WNT7A: variants seen among roughly 807,000 people sequenced by gnomAD.
WNT7A encodes the protein protein Wnt-7a.
WNT7A carries 16 observed loss-of-function variants against 28.2 expected under a neutral mutation model. That is an observed-to-expected ratio of 0.57 (90% CI 0.38 to 0.86). The LOEUF (loss-of-function observed/expected upper bound fraction) is 0.86, where lower values mean the gene tolerates loss of function less well. WNT7A is among the 40% of genes least tolerant of loss of function. WNT7A has a pLI of 0.00. For synonymous variants in WNT7A, 190 were observed against 195.9 expected, an observed-to-expected ratio of 0.97 and a Z score of 0.25; for missense variants, 411 against 489.7, an observed-to-expected ratio of 0.84 and a Z score of 1.52.
chr3:13,821,678 CA>C (rs1694111792), intron 3 of WNT7A, among the ~76,000 whole-genome samples: 1 of 152,166 alleles, frequency 6.6e-6, no homozygotes, highest in Non-Finnish European at 1.5e-5. Context: ...ATGATTTCCA[CA>C]GAGTGATTTC....
chr3:13,865,220 C>T (rs1394930292), intron 2 of WNT7A, among the ~76,000 whole-genome samples: 2 of 152,196 alleles, frequency 1.3e-5, no homozygotes, highest in Non-Finnish European at 2.9e-5. Context: ...ATTTCAGCAC[C>T]TTTAATATGC....
chr3:13,873,329 T>A (rs9868948), intron 2 of WNT7A, among the ~76,000 whole-genome samples: 5 of 151,542 alleles, frequency 3.3e-5, no homozygotes, highest in East Asian at 2.0e-4. Flanking sequence ...AAATGTCACC[T>A]GGTGACATTT....
chr3:13,843,184 G>C (rs748920216), intron 3 of WNT7A, among the ~76,000 whole-genome samples: 1 of 152,168 alleles, frequency 6.6e-6, no homozygotes, highest in South Asian at 2.1e-4. Flanking sequence ...AGCTAGAACA[G>C]TCCTTAGGAA....
At chr3:13,866,067 C>T (rs1041345491) in intron 2 of WNT7A, among the ~76,000 whole-genome samples, 4 of 152,136 alleles carry the variant, frequency 2.6e-5, no homozygotes, top group African/African-American at 9.7e-5. Context: ...TGACAGGTTG[C>T]CCACTATCAC....
At chr3:13,853,665 A>G (rs1694677812) in intron 3 of WNT7A, among the ~76,000 whole-genome samples, 1 of 152,216 alleles carries the variant, frequency 6.6e-6, no homozygotes, top group Admixed American at 6.5e-5. Context: ...TCATGGCAGT[A>G]TGACAGAGCA....
intron 3 of WNT7A, among the ~76,000 whole-genome samples, chr3:13,836,823 A>G (rs1198179721): frequency 6.6e-6 from 1 of 152,244 alleles, no homozygotes; most frequent in East Asian, 1.9e-4. Flanking sequence ...GAAGGGTATC[A>G]CCTGTGCCTG....
intron 3 of WNT7A, among the ~76,000 whole-genome samples, chr3:13,848,977 A>G (rs1182754852): frequency 6.6e-6 from 1 of 152,248 alleles, no homozygotes; most frequent in Non-Finnish European, 1.5e-5. Flanking sequence ...GTGCTGAATG[A>G]AAAGAAGCTC....
chr3:13,842,483 C>T (rs1694476787), intron 3 of WNT7A, among the ~76,000 whole-genome samples: 1 of 152,034 alleles, frequency 6.6e-6, no homozygotes, highest in South Asian at 2.1e-4. Flanking sequence ...GTGAATAGGA[C>T]TCTGGGGCAG....
chr3:13,869,616 AAGAG>A (rs1302763850), intron 2 of WNT7A, among the ~76,000 whole-genome samples: 1 of 143,314 alleles, frequency 7.0e-6, no homozygotes, highest in Non-Finnish European at 1.5e-5. Flanking sequence ...GAAAGAGAGA[AAGAG>A]AAAGAAAGGA....
At position 13,879,932 on chromosome 3, in the gene WNT7A, C is replaced by G. The variant is rs556694969; in HGVS notation, c.-116G>C. 2.7e-5 allele frequency: 21 copies of G among 788,464 alleles called. No homozygotes were observed. Among genetic ancestry groups the G allele is most frequent in the Non-Finnish European group, 3.5e-5 (20 of 568,138 alleles). 48.8% of individuals were successfully genotyped at this position (788,464 alleles called of 1,614,324 possible). On this transcript the variant is annotated 5_prime_UTR_variant, in exon 1 of 4. Transcript: ENST00000285018. ...GCGCGAGCCGAGGCGTCCCCGGGGC[C>G]GTCTGTCGGTGCGCCCGTCCGCGCG...
At chr3:13,863,109 T>C (rs894171645) in intron 2 of WNT7A, among the ~76,000 whole-genome samples, 1 of 152,152 alleles carries the variant, frequency 6.6e-6, no homozygotes, top group East Asian at 1.9e-4. Context: ...AATAAGCCAA[T>C]GCACATGACA....
At chr3:13,871,072 A>G (rs1351519183) in intron 2 of WNT7A, among the ~76,000 whole-genome samples, 2 of 152,240 alleles carry the variant, frequency 1.3e-5, no homozygotes, top group Non-Finnish European at 2.9e-5. Flanking sequence ...TCCACTCTGA[A>G]TACAAGATTA....
chr3:13,834,765 T>C (rs907403721), intron 3 of WNT7A, among the ~76,000 whole-genome samples: 4 of 152,192 alleles, frequency 2.6e-5, no homozygotes, highest in African/African-American at 4.8e-5. Flanking sequence ...GCCCTGGTCT[T>C]TCCCGCCCCT....
intron 3 of WNT7A, among the ~76,000 whole-genome samples, chr3:13,838,430 G>A (rs73019605): frequency 0.024 from 3,651 of 152,292 alleles, 56 homozygotes; most frequent in East Asian, 0.073. Context: ...AGGTTTTAAA[G>A]TCCCTTCTTC....
chr3:13,835,472 A>C (rs2124840121), intron 3 of WNT7A, among the ~76,000 whole-genome samples: 1 of 152,398 alleles, frequency 6.6e-6, no homozygotes, highest in South Asian at 2.1e-4. Context: ...GGGCTGAGCC[A>C]GCGTCCTCAG....
intron 3 of WNT7A, among the ~76,000 whole-genome samples, chr3:13,826,829 T>A (rs531560895): frequency 6.6e-6 from 1 of 152,200 alleles, no homozygotes; most frequent in Admixed American, 6.5e-5. Flanking sequence ...AAGTTCAATA[T>A]GAGCTAGGAG....
At chr3:13,825,170 G>C (rs1428594874) in intron 3 of WNT7A, among the ~76,000 whole-genome samples, 2 of 152,192 alleles carry the variant, frequency 1.3e-5, no homozygotes, top group Admixed American at 6.5e-5. Flanking sequence ...CAGTGCCAGG[G>C]GACCAGCTGG....
chr3:13,840,588 C>G (rs543893347), intron 3 of WNT7A, among the ~76,000 whole-genome samples: 4 of 140,888 alleles, frequency 2.8e-5, no homozygotes, highest in African/African-American at 1.2e-4. Context: ...TTCCAAATAG[C>G]TATTCATTCA....
intron 3 of WNT7A, among the ~76,000 whole-genome samples, chr3:13,848,489 C>A (rs1192035707): frequency 1.3e-5 from 2 of 152,206 alleles, no homozygotes; most frequent in Non-Finnish European, 2.9e-5. Context: ...TATTCAACAT[C>A]ATTAGCCATT....
Sources: allele counts gnomAD v4.1 joint callset (sites outside exome capture counted in the v4.1 genomes callset), GRCh38; gene constraint gnomAD v4.1.1; transcripts MANE v1.5; gene names NCBI Gene and HGNC (gene_info 2026-07-23, HGNC 2026-07-21).